KCNMA1: variants seen among roughly 807,000 people sequenced by gnomAD.
KCNMA1 encodes Calcium-activated potassium channel subunit alpha-1.
In KCNMA1, 29 loss-of-function variants were observed where a neutral mutation model predicts 140.0. The ratio of observed to expected loss-of-function variants is 0.21; its 90% confidence interval spans 0.15 to 0.28. The LOEUF (loss-of-function observed/expected upper bound fraction) is 0.28, where lower values mean the gene tolerates loss of function less well. Ranked by LOEUF, KCNMA1 falls within the 10% of genes least tolerant of loss-of-function variation. The pLI, the probability that KCNMA1 is intolerant of heterozygous loss-of-function variation, is 1.00. For missense variants in KCNMA1, 880 were observed against 1,602.2 expected, an observed-to-expected ratio of 0.55 and a Z score of 7.70; for synonymous variants, 612 against 611.9, an observed-to-expected ratio of 1.00 and a Z score of 0.00.
At chr10:77,149,012 C>A (rs1465015617) in intron 5 of KCNMA1, among the ~76,000 whole-genome samples, 1 of 152,180 alleles carries the variant, frequency 6.6e-6, no homozygotes, top group African/African-American at 2.4e-5. Flanking sequence ...ATTGCTCTGG[C>A]TTAATTCAGT....
At chr10:77,448,294 T>A (rs879345925) in intron 1 of KCNMA1, among the ~76,000 whole-genome samples, 1 of 152,164 alleles carries the variant, frequency 6.6e-6, no homozygotes, top group Non-Finnish European at 1.5e-5. Context: ...TAAAGCAATC[T>A]TGCAGAAAAG....
At chr10:77,431,034 G>A (rs1488905037) in intron 1 of KCNMA1, among the ~76,000 whole-genome samples, 1 of 152,132 alleles carries the variant, frequency 6.6e-6, no homozygotes, top group Non-Finnish European at 1.5e-5. Flanking sequence ...ACTCCTTTTA[G>A]GATGGCAGCT....
chr10:77,063,496 G>C (rs1265489726), intron 14 of KCNMA1, among the ~76,000 whole-genome samples: 1 of 152,056 alleles, frequency 6.6e-6, no homozygotes, highest in Admixed American at 6.5e-5. Context: ...CAAACGTAAA[G>C]TATTACTATA....
chr10:77,493,519 T>C (rs1194875609), intron 1 of KCNMA1, among the ~76,000 whole-genome samples: 1 of 152,126 alleles, frequency 6.6e-6, no homozygotes, highest in Admixed American at 6.5e-5. Flanking sequence ...ACTGAGCGAG[T>C]GCGTGTGAGT....
At chr10:77,094,356 G>GA (rs1250492325) in intron 9 of KCNMA1, among the ~76,000 whole-genome samples, 3 of 152,110 alleles carry the variant, frequency 2.0e-5, no homozygotes, top group African/African-American at 7.2e-5. Flanking sequence ...TGGTGGAAAG[G>GA]AAAGAGGCTT....
chr10:77,390,933 TTCTC>T (rs1166962099), intron 2 of KCNMA1, among the ~76,000 whole-genome samples: 1 of 152,146 alleles, frequency 6.6e-6, no homozygotes. Context: ...GGTCTTTACT[TTCTC>T]TCTCCTTTTC....
chr10:77,288,834 T>G (rs1565749567), intron 2 of KCNMA1, among the ~76,000 whole-genome samples: 2 of 152,238 alleles, frequency 1.3e-5, no homozygotes, highest in African/African-American at 2.4e-5. Context: ...AAGCTTTTTT[T>G]GAGAGACAAA....
chr10:77,342,047 C>T (rs968041006), intron 2 of KCNMA1, among the ~76,000 whole-genome samples: 6 of 152,180 alleles, frequency 3.9e-5, no homozygotes, highest in Admixed American at 3.3e-4. Context: ...ACTGATGCTG[C>T]TTCAAAGGCC....
chr10:77,289,086 C>A (rs1365941767), intron 2 of KCNMA1, among the ~76,000 whole-genome samples: 3 of 152,302 alleles, frequency 2.0e-5, no homozygotes, highest in Non-Finnish European at 2.9e-5. Context: ...CCTAACACAG[C>A]TGGGAGCCTC....
At chr10:77,305,295 T>C (rs539603423) in intron 2 of KCNMA1, among the ~76,000 whole-genome samples, 1 of 152,326 alleles carries the variant, frequency 6.6e-6, no homozygotes, top group Admixed American at 6.5e-5. Flanking sequence ...TCATAGTCAT[T>C]TTATGAACTA....
chr10:77,002,540 T>C (rs1455415550), intron 18 of KCNMA1, among the ~76,000 whole-genome samples: 4 of 152,136 alleles, frequency 2.6e-5, no homozygotes, highest in African/African-American at 9.7e-5. Context: ...AATAGAAGAA[T>C]AGGTTCCACG....
At chr10:76,945,738 C>G (rs946549890) in intron 22 of KCNMA1, among the ~76,000 whole-genome samples, 4 of 150,338 alleles carry the variant, frequency 2.7e-5, no homozygotes, top group African/African-American at 9.8e-5. Flanking sequence ...GTTTAGAAGC[C>G]TAAGATAGAG....
At chr10:77,410,811 G>A (rs557374911) in intron 1 of KCNMA1, among the ~76,000 whole-genome samples, 7 of 152,254 alleles carry the variant, frequency 4.6e-5, no homozygotes, top group South Asian at 4.1e-4. Flanking sequence ...AGAGATCCCC[G>A]TGGCTGCACC....
intron 5 of KCNMA1, among the ~76,000 whole-genome samples, chr10:77,156,484 T>C (rs1348473924): frequency 6.6e-6 from 1 of 152,208 alleles, no homozygotes; most frequent in African/African-American, 2.4e-5. Flanking sequence ...TAGTCATTCC[T>C]GGGCATAGGC....
intron 25 of KCNMA1, chr10:76,903,156 C>T (rs2046291678): frequency 1.3e-5 from 2 of 152,482 alleles, no homozygotes; most frequent in Admixed American, 6.5e-5. Context: ...CCCGCTGTGC[C>T]TGCAAGTGTA....
intron 1 of KCNMA1, among the ~76,000 whole-genome samples, chr10:77,448,598 C>CT (rs940104647): frequency 3.9e-5 from 6 of 152,198 alleles, no homozygotes; most frequent in African/African-American, 1.4e-4. Flanking sequence ...TTCCAGGGTT[C>CT]TTTCAGATGT....
At chr10:76,988,678 A>C in intron 19 of KCNMA1, among the ~76,000 whole-genome samples, 1 of 152,050 alleles carries the variant, frequency 6.6e-6, no homozygotes, top group Admixed American at 6.5e-5. Context: ...CTCTCCCAAA[A>C]ACACATTGAA....
At chr10:77,318,309 G>A (rs527707904) in intron 2 of KCNMA1, among the ~76,000 whole-genome samples, 2 of 152,276 alleles carry the variant, frequency 1.3e-5, no homozygotes, top group Non-Finnish European at 2.9e-5. Flanking sequence ...TTACAGAGTT[G>A]AAAATAGAGG....
At chr10:77,373,746 GATCT>G (rs763560768) in intron 2 of KCNMA1, 1 of 152,110 alleles carries the variant, frequency 6.6e-6, no homozygotes, top group Non-Finnish European at 1.5e-5. Context: ...TTTCACTCTG[GATCT>G]ATCTAATTGA....
Sources: allele counts gnomAD v4.1 joint callset (sites outside exome capture counted in the v4.1 genomes callset), GRCh38; gene constraint gnomAD v4.1.1; transcripts MANE v1.5; gene names NCBI Gene and HGNC (gene_info 2026-07-23, HGNC 2026-07-21).